The following NYX variants were observed in gnomAD, a reference collection of about 807,000 sequenced individuals.
The protein encoded by NYX is nyctalopin.
For missense variants in NYX, 481 were observed against 485.4 expected (o/e 0.99, Z 0.09); for synonymous variants, 258 against 245.7 (o/e 1.05, Z -0.47).
chrX:41,459,069 C>A (rs898372892), intron 2 of NYX, among the ~76,000 whole-genome samples: 4 of 110,329 alleles, frequency 3.6e-5, no homozygotes, highest in African/African-American at 1.3e-4. Flanking sequence ...GGCAACAGAG[C>A]GAGACTCCGT....
At chrX:41,466,424 A>C (rs1319427751) in intron 2 of NYX, among the ~76,000 whole-genome samples, 6 of 110,436 alleles carry the variant, frequency 5.4e-5, no homozygotes, top group Admixed American at 2.0e-4. Flanking sequence ...ACCCTGTCTA[A>C]AAAAATAAAA....
At chrX:41,457,307 C>CAAA (rs752610260) in intron 2 of NYX, among the ~76,000 whole-genome samples, 5,054 of 44,491 alleles carry the variant, frequency 0.11, 476 homozygotes, top group Non-Finnish European at 0.15. Flanking sequence ...AACTCCATCT[C>CAAA]AAAAAAAAAA....
At chrX:41,450,699 G>A (rs1361765066) in intron 2 of NYX, among the ~76,000 whole-genome samples, 4 of 102,541 alleles carry the variant, frequency 3.9e-5, no homozygotes, top group Admixed American at 1.1e-4. Context: ...AGGCTGAAGT[G>A]CAGTGGTACT....
intron 2 of NYX, among the ~76,000 whole-genome samples, chrX:41,461,099 G>A (rs1310078490): frequency 1.9e-5 from 2 of 105,814 alleles, no homozygotes; most frequent in African/African-American, 6.9e-5. Context: ...GGTGATTTGT[G>A]ATATTTTGGT....
intron 2 of NYX, among the ~76,000 whole-genome samples, chrX:41,470,884 C>T (rs1486158239): frequency 9.1e-6 from 1 of 109,910 alleles, no homozygotes; most frequent in Non-Finnish European, 1.9e-5. Flanking sequence ...CAGCGATGTC[C>T]TCGGAGATCC....
Position 41,467,511 on chromosome X carries a change from G to A in NYX, c.23-5980G>A, listed in dbSNP as rs185943805. Reference sequence around the variant, plus strand: ...TGGGATTACAGGCGTGTGCCACTGCGTCTGGCTAATTTTTGTATTTTTAGT... The same window carrying A: ...TGGGATTACAGGCGTGTGCCACTGCATCTGGCTAATTTTTGTATTTTTAGT... On this transcript the variant is annotated intron_variant, in intron 2 of 2. Transcript: ENST00000378220. Among the ~76,000 whole-genome samples the A allele has an allele frequency of 2.2e-3, 237 of 109,567 alleles. 1 individual carries two copies. The highest frequency in any genetic ancestry group is 7.5e-3 in the African/African-American group (225 of 30,124).
At position 41,474,868 on chromosome X, in the gene NYX, A is replaced by G. The variant is rs1490264286; in HGVS notation, c.1400A>G (p.Gln467Arg). 2 of 1,206,716 alleles carry G rather than the reference A, an allele frequency of 1.7e-6. No individual in the cohort carries two copies. The highest frequency in any genetic ancestry group is 2.2e-5 in the Admixed American group (1 of 45,530). Residue 467 changes from glutamine (Q) to arginine (R), a missense_variant, in exon 3 of 3, where the codon CAG becomes CGG. Coordinates refer to ENST00000378220, the MANE Select transcript of NYX (RefSeq NM_001378477.3). Reference sequence around the variant, plus strand: ...TCTTGTCTCCTGCCCAGCGTGGCCCAGCACGTGGTGTTTGGCCTGCAGATG... The same window carrying G: ...TCTTGTCTCCTGCCCAGCGTGGCCCGGCACGTGGTGTTTGGCCTGCAGATG... The part of the protein sequence containing the change: ...LASCLLPSVA[Q>R]HVVFGLQMD
rs1217538075 is a variant in NYX, at chrX:41,474,002, C to T, written c.534C>T (p.Asn178=). The T allele has an allele frequency of 9.4e-7, 1 of 1,065,448 alleles. No homozygotes were observed. The highest frequency in any genetic ancestry group is 1.2e-6 in the Non-Finnish European group (1 of 831,457). The allele number at this position is 1,065,448 out of a possible 1,213,427, so 87.8% of individuals were successfully genotyped here. Residue 178 remains asparagine (N), a synonymous_variant, in exon 3 of 3, where the codon AAC becomes AAT. Coordinates refer to ENST00000378220, the MANE Select transcript of NYX (RefSeq NM_001378477.3). ...RVPGALRGLA[N]LTHAHLERGR... is the part of the protein sequence containing the mutation. ...CGGGCGCGCTGCGCGGCCTGGCCAA[C>T]CTGACGCACGCGCACCTGGAGCGCG...
intron 2 of NYX, among the ~76,000 whole-genome samples, chrX:41,463,163 G>A (rs1230170564): frequency 9.0e-6 from 1 of 111,449 alleles, no homozygotes; most frequent in African/African-American, 3.3e-5. Flanking sequence ...ATGGTGTGAG[G>A]TAGGTGTTGA....
rs748271017 is a variant in NYX at position 41,474,354 on chromosome X, C to T, written c.886C>T (p.Leu296Phe). ...CGTGGAGGAGGGCGCCTTCCAGAAC[C>T]TCTCGGGTCTCCTCGCGCTGCACCT... ...AFVEEGAFQN[L>F]SGLLALHLNG... is the part of the protein sequence containing the mutation. The change falls in exon 3 of 3, where the codon CTC (leucine) becomes TTC (phenylalanine). Residue 296 changes from leucine (L) to phenylalanine (F), a missense_variant. By Grantham distance (22) the Leu-to-Phe change is conservative (BLOSUM62 0). Transcript: ENST00000378220. 1 of 1,208,426 alleles carries T rather than the reference C, an allele frequency of 8.3e-7. No individual in the cohort carries two copies. Among genetic ancestry groups the T allele is most frequent in the Admixed American group, 2.2e-5 (1 of 46,132 alleles).
rs1353809463 is a variant in NYX at position 41,470,207 on chromosome X, G to A, written c.23-3284G>A. ...CCTTGAGGCATAATTTACTCAATGG[G>A]GGTGTTCAGGAATTGAATTCTTCTG... On this transcript the variant is annotated intron_variant, in intron 2 of 2. Transcript: ENST00000378220. 2.7e-5 allele frequency among the ~76,000 whole-genome samples: 3 copies of A among 109,666 alleles called. No homozygotes were observed. The East Asian group carries it at 8.5e-4, about 31-fold the overall frequency.
chrX:41,453,317 G>A (rs993041291), intron 2 of NYX, among the ~76,000 whole-genome samples: 34 of 111,461 alleles, frequency 3.1e-4, no homozygotes, highest in African/African-American at 1.1e-3. Flanking sequence ...CAGGACACCC[G>A]ATAGGGACAC....
At chrX:41,470,687 T>C (rs1180207449) in intron 2 of NYX, among the ~76,000 whole-genome samples, 2 of 78,478 alleles carry the variant, frequency 2.5e-5, no homozygotes, top group African/African-American at 9.9e-5. Context: ...GAGTGAGGAC[T>C]CTGTCTCAAA....
In NYX at chrX:41,474,065, C is replaced by T; in HGVS notation, c.597C>T (p.Gly199=). The part of the protein sequence containing the change: ...IEAVASSSLQ[G]LRRLRSLSLQ... ...CGGTGGCCTCCAGCTCGCTGCAGGG[C>T]CTGCGCCGCCTGCGCTCGCTCAGCC... is the stretch of plus-strand genomic sequence containing the variant. Residue 199 remains glycine, a synonymous_variant, in exon 3 of 3, where the codon GGC becomes GGT. Coordinates refer to ENST00000378220, the MANE Select transcript of NYX (RefSeq NM_001378477.3). The T allele has an allele frequency of 9.3e-7, 1 of 1,076,529 alleles. No homozygotes were observed. Among genetic ancestry groups the T allele is most frequent in the East Asian group, 3.6e-5 (1 of 27,571 alleles). 88.7% of individuals were successfully genotyped at this position (1,076,529 alleles called of 1,213,427 possible). A position where few individuals can be genotyped will look rare whatever the true frequency, so the allele number is the denominator to read the frequency against.
intron 2 of NYX, among the ~76,000 whole-genome samples, chrX:41,451,952 A>C (rs1269667830): frequency 2.7e-5 from 3 of 109,868 alleles, no homozygotes; most frequent in Admixed American, 9.8e-5. Context: ...GGTGGTAGAA[A>C]TGTTTTAAGT....
intron 2 of NYX, among the ~76,000 whole-genome samples, chrX:41,455,485 C>T (rs2064295892): frequency 9.1e-6 from 1 of 109,334 alleles, no homozygotes; most frequent in Non-Finnish European, 1.9e-5. Flanking sequence ...AGAACTAGGT[C>T]AAGAGGCTGT....
intron 2 of NYX, among the ~76,000 whole-genome samples, chrX:41,468,275 G>A (rs182689230): frequency 9.7e-6 from 1 of 102,727 alleles, no homozygotes; most frequent in East Asian, 3.2e-4. Flanking sequence ...AATCCCAGGA[G>A]TTCCTTGACA....
In NYX at chrX:41,473,417, G is replaced by T. The variant is rs2064370278; in HGVS notation, c.23-74G>T. On this transcript the variant is annotated intron_variant, in intron 2 of 2. Transcript: ENST00000378220. Reference sequence around the variant, plus strand: ...GGACAGGCAGGATTTTTCCTGGGGTGACCTTTGGCTGACGGTTGCTCCTTT... The same window carrying T: ...GGACAGGCAGGATTTTTCCTGGGGTTACCTTTGGCTGACGGTTGCTCCTTT... 6.7e-6 allele frequency: 6 copies of T among 890,600 alleles called. No homozygotes were observed. The South Asian group carries it at 2.6e-4, about 38-fold the overall frequency. 73.4% of individuals were successfully genotyped at this position (890,600 alleles called of 1,213,427 possible).
intron 1 of NYX, 54 bp from the exon 2 acceptor site, chrX:41,447,795 G>A (rs1164862413): frequency 1.2e-6 from 1 of 866,580 alleles, no homozygotes; most frequent in Non-Finnish European, 1.7e-6. Flanking sequence ...AGGCATGGGA[G>A]GGTTCTCATG....
Sources: gnomAD v4.1 joint callset for allele counts (sites outside exome capture counted in the v4.1 genomes callset) on GRCh38, gnomAD v4.1.1 for gene constraint, MANE v1.5 for transcripts, NCBI Gene and HGNC (gene_info 2026-07-23, HGNC 2026-07-21) for gene names.